Variants in TTC5 observed in about 807,000 individuals in gnomAD.
The protein encoded by TTC5 is tetratricopeptide repeat protein 5.
A neutral mutation model predicts 57.4 loss-of-function variants in TTC5; 46 were observed. The observed-to-expected ratio is 0.80, with a 90% CI of 0.63 to 1.03. The LOEUF (loss-of-function observed/expected upper bound fraction) is 1.03, where lower values mean the gene tolerates loss of function less well. Ranked by LOEUF, TTC5 falls within the 50% of genes least tolerant of loss-of-function variation. The pLI is 0.00. For synonymous variants in TTC5, 190 were observed against 203.5 expected (o/e 0.93, Z 0.57); for missense variants, 504 against 528.1 (o/e 0.95, Z 0.45).
chr14:20,294,220 A>C (rs1882016598), intron 8 of TTC5: 1 of 152,238 alleles, frequency 6.6e-6, no homozygotes, highest in Non-Finnish European at 1.5e-5. Context: ...TATAAAGAGA[A>C]AAAAGGAAAA....
rs370199322 is a variant in TTC5, at chr14:20,287,612, G to C, written c.*2015C>G. The stretch of plus-strand genomic sequence containing the variant: ...GGGTATTCTAGTTATTCCTGAAACC[G>C]TATGTACAAATTTTGCATACTTACT... On this transcript the variant is annotated 3_prime_UTR_variant, in exon 10 of 10. Transcript: ENST00000258821. 6.6e-6 allele frequency: 1 copy of C among 152,112 alleles called. No individual in the cohort carries two copies. Among genetic ancestry groups the C allele is most frequent in the Admixed American group, 6.6e-5 (1 of 15,262 alleles). The allele number at this position is 152,112 out of a possible 1,614,324, so 9.4% of individuals were successfully genotyped here.
chr14:20,290,367 A>C (rs1881929355), intron 9 of TTC5, among the ~76,000 whole-genome samples: 1 of 152,256 alleles, frequency 6.6e-6, no homozygotes, highest in South Asian at 2.1e-4. Flanking sequence ...AGGCTCTTTT[A>C]AGTCCAAGTA....
At chr14:20,305,567 C>G in intron 1 of TTC5, 2 of 387,506 alleles carry the variant, frequency 5.2e-6, no homozygotes, top group Non-Finnish European at 9.3e-6. Context: ...TCATGCAGAT[C>G]TGCCACACAC....
Position 20,305,947 on chromosome 14 carries a change from A to C in TTC5, c.-10T>G, listed in dbSNP as rs1882285048. On this transcript the variant is annotated 5_prime_UTR_variant, in exon 1 of 10. Coordinates refer to ENST00000258821, the MANE Select transcript of TTC5 (RefSeq NM_138376.3). Reference sequence around the variant, plus strand: ...CTTCATCAGCCATCATCTCCCGGCCACTCCACCCCCAACTTTATAACCACA... The same window carrying C: ...CTTCATCAGCCATCATCTCCCGGCCCCTCCACCCCCAACTTTATAACCACA... 1.2e-6 allele frequency: 2 copies of C among 1,613,130 alleles called. No individual in the cohort carries two copies. Among genetic ancestry groups the C allele is most frequent in the Non-Finnish European group, 1.7e-6 (2 of 1,179,708 alleles).
Position 20,287,698 on chromosome 14 carries a change from C to G in TTC5, c.*1929G>C, listed in dbSNP as rs2138800239. On this transcript the variant is annotated 3_prime_UTR_variant, in exon 10 of 10. Transcript: ENST00000258821. ...ACTGGCCATTTTTCTACTCTCTAGC[C>G]CTACACAGAACATGTCAACTCATCT... The G allele has an allele frequency of 6.6e-6, 1 of 152,242 alleles. No homozygotes were observed. The highest frequency in any genetic ancestry group is 3.4e-3 in the Middle Eastern group (1 of 294). The allele number at this position is 152,242 out of a possible 1,614,324, so 9.4% of individuals were successfully genotyped here. A position where few individuals can be genotyped will look rare whatever the true frequency, so the allele number is the denominator to read the frequency against.
chr14:20,300,143 G>GTGTATATATATATA, intron 3 of TTC5, among the ~76,000 whole-genome samples: 1 of 27,170 alleles, frequency 3.7e-5, no homozygotes, highest in African/African-American at 1.1e-4. Context: ...TCTGGTCCAT[G>GTGTATATATATATA]TATATATATA....
Position 20,296,302 on chromosome 14 carries a change from C to A in TTC5, c.696+88G>T. On this transcript the variant is annotated intron_variant, in intron 6 of 9. Coordinates refer to ENST00000258821, the MANE Select transcript of TTC5 (RefSeq NM_138376.3). ...TCTCGCAGTCTGTACCCAATCTTGTCCCTATGCAAACTCAGTTATCCTCAC... is the reference window on the plus strand; with the variant it reads ...TCTCGCAGTCTGTACCCAATCTTGTACCTATGCAAACTCAGTTATCCTCAC... The A allele has an allele frequency of 2.8e-6, 3 of 1,059,560 alleles. No individual in the cohort carries two copies. In the East Asian group the frequency reaches 7.1e-5, roughly 25 times the overall value. The allele number at this position is 1,059,560 out of a possible 1,614,324, so 65.6% of individuals were successfully genotyped here.
Position 20,286,549 on chromosome 14 carries a change from A to G in TTC5, c.*3078T>C, listed in dbSNP as rs540401343. On this transcript the variant is annotated 3_prime_UTR_variant, in exon 10 of 10. Transcript: ENST00000258821. Reference sequence around the variant, plus strand: ...ATTTACTCATTATGAAAAAAATTATATCCGTACATAACATAAAATAAAGTC... The same window carrying G: ...ATTTACTCATTATGAAAAAAATTATGTCCGTACATAACATAAAATAAAGTC... 91 of 152,254 alleles carry G rather than the reference A, an allele frequency of 6.0e-4. No individual in the cohort carries two copies. The highest frequency in any genetic ancestry group is 2.1e-3 in the African/African-American group (88 of 41,572). The allele number at this position is 152,254 out of a possible 1,614,324, so 9.4% of individuals were successfully genotyped here.
chr14:20,295,761 C>G lies in TTC5; in HGVS notation c.790G>C (p.Glu264Gln), dbSNP rs1342295189. 3.7e-6 allele frequency: 6 copies of G among 1,614,098 alleles called. No individual in the cohort carries two copies. Among genetic ancestry groups the G allele is most frequent in the Non-Finnish European group, 5.1e-6 (6 of 1,180,008 alleles). The change falls in exon 7 of 10, where the codon GAG becomes CAG. Residue 264 changes from glutamate to glutamine, a missense_variant. Coordinates refer to ENST00000258821, the MANE Select transcript of TTC5 (RefSeq NM_138376.3). ...DPAWPEPRQR[E>Q]QQLLEFLDRL... The stretch of plus-strand genomic sequence containing the variant: ...TCCAGGAATTCCAGAAGTTGTTGCT[C>G]TCGTTGCCGGGGCTCTGGCCAGGCA...
intron 5 of TTC5, 124 bp from the exon 6 acceptor site, chr14:20,296,570 T>A (rs376641226): frequency 1.3e-6 from 1 of 783,618 alleles, no homozygotes. Context: ...AAATGGTATT[T>A]ATACCACAGA....
intron 3 of TTC5, among the ~76,000 whole-genome samples, chr14:20,299,725 A>G (rs1038244619): frequency 2.0e-5 from 3 of 151,782 alleles, no homozygotes; most frequent in Non-Finnish European, 2.9e-5. Flanking sequence ...GCTAATTTTT[A>G]TATTTTTAGT....
At chr14:20,300,155 A>T (rs1346677345) in intron 3 of TTC5, among the ~76,000 whole-genome samples, 4 of 89,328 alleles carry the variant, frequency 4.5e-5, no homozygotes, top group South Asian at 4.3e-4. Context: ...ATATATATAT[A>T]TTTTTTTTTT....
At position 20,289,614 on chromosome 14, in the gene TTC5, T is replaced by G; in HGVS notation, c.*13A>C. On this transcript the variant is annotated 3_prime_UTR_variant, in exon 10 of 10. Transcript: ENST00000258821. ...CCTCTCCTCCACTCCCTGTTGAGCATGCAAGTCAAAGGTCATTCACACTGT... is the reference window on the plus strand; with the variant it reads ...CCTCTCCTCCACTCCCTGTTGAGCAGGCAAGTCAAAGGTCATTCACACTGT... The G allele has an allele frequency of 6.2e-7, 1 of 1,608,460 alleles. No homozygotes were observed. The highest frequency in any genetic ancestry group is 8.5e-7 in the Non-Finnish European group (1 of 1,176,910).
intron 8 of TTC5, 95 bp from the exon 9 acceptor site, chr14:20,292,222 T>G: frequency 1.2e-6 from 1 of 860,194 alleles, no homozygotes; most frequent in Non-Finnish European, 1.6e-6. Context: ...ACTAGCAAAA[T>G]ACTGGACTTA....
intron 9 of TTC5, among the ~76,000 whole-genome samples, chr14:20,290,790 G>A (rs2318861): frequency 4.6e-5 from 7 of 152,208 alleles, no homozygotes; most frequent in South Asian, 2.1e-4. Flanking sequence ...AATTTAGATC[G>A]GAGGTCATCA....
chr14:20,300,321 T>C, intron 3 of TTC5: 1 of 335,926 alleles, frequency 3.0e-6, no homozygotes, highest in East Asian at 5.6e-5. Flanking sequence ...TCTAAATTCT[T>C]GCTGCCATCT....
rs762747892 is a variant in TTC5 at position 20,300,595 on chromosome 14, G to C, written c.396+12C>G. 1.1e-5 allele frequency: 18 copies of C among 1,604,618 alleles called. No homozygotes were observed. The highest frequency in any genetic ancestry group is 1.5e-5 in the Non-Finnish European group (18 of 1,178,002). ...CCATCTCTGCTTTCCAAAGGGATAG[G>C]GGGCAGCTCACATGGGTGAGGGCTC... On this transcript the variant is annotated intron_variant, in intron 3 of 9. Transcript: ENST00000258821.
At chr14:20,302,030 C>T (rs879251848) in intron 1 of TTC5, 65 bp from the exon 2 acceptor site, 235 of 1,563,412 alleles carry the variant, frequency 1.5e-4, no homozygotes, top group Non-Finnish European at 2.6e-6. Context: ...TTGAAATTGG[C>T]TAGCCATACC....
rs905196008 is a variant in TTC5 at position 20,286,968 on chromosome 14, T to C, written c.*2659A>G. ...GAAATAATACTCAAATCTCCTGTATTTGCAATACCTAAAAGATAATACCAA... is the reference window on the plus strand; with the variant it reads ...GAAATAATACTCAAATCTCCTGTATCTGCAATACCTAAAAGATAATACCAA... On this transcript the variant is annotated 3_prime_UTR_variant, in exon 10 of 10. Transcript: ENST00000258821. 1.3e-5 allele frequency: 2 copies of C among 152,168 alleles called. No homozygotes were observed. Among genetic ancestry groups the C allele is most frequent in the Non-Finnish European group, 2.9e-5 (2 of 68,032 alleles). The allele number at this position is 152,168 out of a possible 1,614,324, so 9.4% of individuals were successfully genotyped here. A position where few individuals can be genotyped will look rare whatever the true frequency, so the allele number is the denominator to read the frequency against.
Sources: gnomAD v4.1 joint callset for allele counts (sites outside exome capture counted in the v4.1 genomes callset) on GRCh38, gnomAD v4.1.1 for gene constraint, MANE v1.5 for transcripts, NCBI Gene and HGNC (gene_info 2026-07-23, HGNC 2026-07-21) for gene names.